The following AHCYL2 variants were observed in gnomAD, a reference collection of about 807,000 sequenced individuals.
AHCYL2 encodes S-adenosylhomocysteine hydrolase-like protein 2.
In AHCYL2, 28 loss-of-function variants were observed where a neutral mutation model predicts 81.4. The ratio of observed to expected loss-of-function variants is 0.34; its 90% confidence interval spans 0.25 to 0.47. AHCYL2 has a LOEUF of 0.47. AHCYL2 is among the 20% of genes least tolerant of loss of function. The probability of loss-of-function intolerance (pLI) is 1.00; values close to 1 mark genes in which losing one functional copy is unlikely to be tolerated. For missense variants in AHCYL2, 551 were observed against 785.1 expected, an observed-to-expected ratio of 0.70 and a Z score of 3.56; for synonymous variants, 272 against 290.2, an observed-to-expected ratio of 0.94 and a Z score of 0.64.
chr7:129,365,121 G>A (rs1794060919), intron 1 of AHCYL2, among the ~76,000 whole-genome samples: 1 of 152,098 alleles, frequency 6.6e-6, no homozygotes, highest in African/African-American at 2.4e-5. Context: ...ACTAACAAGG[G>A]GTAGCACACA....
chr7:129,373,585 C>G (rs1215444685), intron 1 of AHCYL2, among the ~76,000 whole-genome samples: 2 of 151,500 alleles, frequency 1.3e-5, no homozygotes, highest in Non-Finnish European at 2.9e-5. Context: ...GGGTGACAGA[C>G]CAAGACTCAG....
chr7:129,239,027 G>A (rs927925588), intron 1 of AHCYL2, among the ~76,000 whole-genome samples: 3 of 85,560 alleles, frequency 3.5e-5, no homozygotes, highest in African/African-American at 1.2e-4. Flanking sequence ...GTGCAATCAG[G>A]GATCATTTAC....
At chr7:129,332,147 T>C (rs969473134) in intron 1 of AHCYL2, among the ~76,000 whole-genome samples, 1 of 152,182 alleles carries the variant, frequency 6.6e-6, no homozygotes, top group Admixed American at 6.5e-5. Flanking sequence ...GGATTTATTC[T>C]AAAATGTCAG....
At chr7:129,290,025 T>A (rs966692699) in intron 1 of AHCYL2, among the ~76,000 whole-genome samples, 1 of 151,832 alleles carries the variant, frequency 6.6e-6, no homozygotes, top group Non-Finnish European at 1.5e-5. Flanking sequence ...CAGGTGATCC[T>A]CCCGCCTCGG....
At chr7:129,280,546 T>C (rs1455199206) in intron 1 of AHCYL2, among the ~76,000 whole-genome samples, 3 of 152,186 alleles carry the variant, frequency 2.0e-5, no homozygotes, top group Non-Finnish European at 4.4e-5. Context: ...AGGCAGTTTT[T>C]TGTCAACTAT....
At chr7:129,270,977 AC>A (rs1795989817) in intron 1 of AHCYL2, among the ~76,000 whole-genome samples, 1 of 152,146 alleles carries the variant, frequency 6.6e-6, no homozygotes, top group African/African-American at 2.4e-5. Flanking sequence ...CAACAGTCCT[AC>A]GGCATCAGGC....
intron 1 of AHCYL2, among the ~76,000 whole-genome samples, chr7:129,322,736 C>T (rs924582906): frequency 1.4e-4 from 21 of 152,182 alleles, no homozygotes; most frequent in African/African-American, 5.1e-4. Flanking sequence ...GGGCTATAGG[C>T]GTGCATCACC....
intron 1 of AHCYL2, among the ~76,000 whole-genome samples, chr7:129,332,437 A>T (rs987701203): frequency 6.6e-6 from 1 of 152,264 alleles, no homozygotes; most frequent in African/African-American, 2.4e-5. Flanking sequence ...AAGTTGAAAC[A>T]GTGATGTTAT....
At chr7:129,303,632 T>C (rs1797326468) in intron 1 of AHCYL2, among the ~76,000 whole-genome samples, 2 of 152,318 alleles carry the variant, frequency 1.3e-5, no homozygotes, top group East Asian at 3.9e-4. Flanking sequence ...TGTATTGTTT[T>C]CTTCATTTCA....
At chr7:129,311,578 C>T (rs1056538192) in intron 1 of AHCYL2, among the ~76,000 whole-genome samples, 1 of 152,076 alleles carries the variant, frequency 6.6e-6, no homozygotes, top group African/African-American at 2.4e-5. Flanking sequence ...ACCCCACCCC[C>T]CACCGCGCCA....
intron 1 of AHCYL2, among the ~76,000 whole-genome samples, chr7:129,354,707 T>G (rs1793679398): frequency 6.6e-6 from 1 of 152,236 alleles, no homozygotes; most frequent in Non-Finnish European, 1.5e-5. Flanking sequence ...TGAACTTCCT[T>G]CCACTTTCTC....
intron 1 of AHCYL2, among the ~76,000 whole-genome samples, chr7:129,265,271 G>A (rs906615872): frequency 1.3e-5 from 2 of 152,188 alleles, no homozygotes; most frequent in African/African-American, 2.4e-5. Flanking sequence ...AAGCAAGAAG[G>A]AGGAAGGGGA....
intron 1 of AHCYL2, among the ~76,000 whole-genome samples, chr7:129,275,178 T>C (rs1175088458): frequency 1.3e-5 from 2 of 151,586 alleles, no homozygotes; most frequent in African/African-American, 4.9e-5. Flanking sequence ...AGGTCAGGAG[T>C]TTGAGACCAG....
chr7:129,363,687 G>A (rs1794009247), intron 1 of AHCYL2, among the ~76,000 whole-genome samples: 1 of 152,048 alleles, frequency 6.6e-6, no homozygotes, highest in African/African-American at 2.4e-5. Flanking sequence ...ACAGGCGCCC[G>A]CCACCACGCC....
At chr7:129,288,769 T>TTTA (rs1170742830) in intron 1 of AHCYL2, among the ~76,000 whole-genome samples, 1 of 152,142 alleles carries the variant, frequency 6.6e-6, no homozygotes, top group South Asian at 2.1e-4. Flanking sequence ...ATTTTATCTA[T>TTTA]TTATTATTAT....
At chr7:129,275,050 C>G (rs1796152768) in intron 1 of AHCYL2, among the ~76,000 whole-genome samples, 1 of 152,138 alleles carries the variant, frequency 6.6e-6, no homozygotes, top group African/African-American at 2.4e-5. Context: ...TTGTTTAACA[C>G]TACTAAGATT....
At chr7:129,316,823 A>AAAC (rs71162593) in intron 1 of AHCYL2, among the ~76,000 whole-genome samples, 9 of 152,182 alleles carry the variant, frequency 5.9e-5, no homozygotes, top group Admixed American at 3.3e-4. Context: ...TGTAAATGTA[A>AAAC]AACAACAACA....
rs866073133 is a variant in AHCYL2 at position 129,385,408 on chromosome 7, A to C, written c.476-3648A>C. On this transcript the variant is annotated intron_variant, in intron 2 of 16. Transcript: ENST00000325006. ...TCTCCTAGCAGTAACTCACAGTATC[A>C]CAGCTGCTGAGAGGTAAAGCTTAAT... Among the ~76,000 whole-genome samples the C allele has an allele frequency of 3.3e-5, 5 of 152,350 alleles. 1 individual carries two copies. The highest frequency in any genetic ancestry group is 6.8e-3 in the Middle Eastern group (2 of 294).
At chr7:129,400,428 T>C (rs1795977748) in intron 6 of AHCYL2, 44 bp downstream of exon 6, 2 of 1,570,230 alleles carry the variant, frequency 1.3e-6, no homozygotes, top group Non-Finnish European at 1.7e-6. Flanking sequence ...GGGTCAGGAA[T>C]GGGGATGGGT....
Sources: gnomAD v4.1 joint callset for allele counts (sites outside exome capture counted in the v4.1 genomes callset) on GRCh38, gnomAD v4.1.1 for gene constraint, MANE v1.5 for transcripts, NCBI Gene and HGNC (gene_info 2026-07-23, HGNC 2026-07-21) for gene names.